Variants in TMEM101 observed in about 807,000 individuals in gnomAD.
The protein encoded by TMEM101 is putative NF-kappa-B-activating protein 130.
TMEM101 carries 14 observed loss-of-function variants against 26.0 expected under a neutral mutation model. That is an observed-to-expected ratio of 0.54 (90% confidence interval 0.36 to 0.84). The LOEUF is 0.84. TMEM101 is among the 40% of genes least tolerant of loss of function. The probability of loss-of-function intolerance (pLI) is 0.01; values close to 1 mark genes in which losing one functional copy is unlikely to be tolerated. For missense variants in TMEM101, 292 were observed against 345.1 expected (o/e 0.85, Z 1.22); for synonymous variants, 152 against 145.1 (o/e 1.05, Z -0.34).
At position 44,014,402 on chromosome 17, in the gene TMEM101, G is replaced by T; in HGVS notation, c.273C>A (p.Tyr91Ter). ...GAALQLAISTYAAYIGGYVHY... is the reference protein window; with the variant it reads ...GAALQLAIST ...GGACGTAGCCCCCGATGTAGGCGGCGTAGGTGCTAATGGCCAATTGGAGTG... is the reference window on the plus strand; with the variant it reads ...GGACGTAGCCCCCGATGTAGGCGGCTTAGGTGCTAATGGCCAATTGGAGTG... Residue 91 changes from tyrosine to a stop codon, truncating the protein, a stop_gained, in exon 2 of 4, where the codon TAC becomes TAA. Coordinates refer to ENST00000206380, the MANE Select transcript of TMEM101 (RefSeq NM_032376.4). LOFTEE classifies it high-confidence loss of function. 2 of 1,555,344 alleles carry T rather than the reference G, an allele frequency of 1.3e-6. No individual in the cohort carries two copies. The highest frequency in any genetic ancestry group is 1.7e-6 in the Non-Finnish European group (2 of 1,149,052).
upstream of TMEM101, among the ~76,000 whole-genome samples, chr17:44,015,560 A>T (rs2049222361): frequency 6.6e-6 from 1 of 151,826 alleles, no homozygotes; most frequent in South Asian, 2.1e-4. Context: ...CGCCCGGCTA[A>T]TTTTTTGTAT....
intron 1 of TMEM101, among the ~76,000 whole-genome samples, chr17:44,022,680 G>A (rs796151521): frequency 1.3e-5 from 2 of 152,156 alleles, no homozygotes; most frequent in Non-Finnish European, 2.9e-5. Flanking sequence ...TTTTCACAAA[G>A]GCCAATTCCC....
intron 3 of TMEM101, chr17:44,012,755 T>A (rs930630043): frequency 4.6e-6 from 2 of 432,550 alleles, no homozygotes; most frequent in Non-Finnish European, 8.2e-6. Flanking sequence ...CCCCATCTTG[T>A]TCTCCTGGCT....
Position 44,011,982 on chromosome 17 carries a change from A to G in TMEM101, c.720T>C (p.Leu240=), listed in dbSNP as rs1269414981. The G allele has an allele frequency of 5.0e-6, 8 of 1,614,014 alleles. No individual in the cohort carries two copies. Among genetic ancestry groups the G allele is most frequent in the Non-Finnish European group, 6.8e-6 (8 of 1,180,022 alleles). The part of the protein sequence containing the change: ...RVEFWNQMKL[L]GESVGIFGTA... ...TTCCGAAGATGCCCACACTCTCTCC[A>G]AGGAGCTTCATCTGGTTCCAGAACT... Residue 240 remains leucine, a synonymous_variant, in exon 4 of 4, where the codon CTT becomes CTC. Coordinates refer to ENST00000206380, the MANE Select transcript of TMEM101 (RefSeq NM_032376.4).
Position 44,013,045 on chromosome 17 carries a change from G to T in TMEM101, c.429C>A (p.Thr143=). The T allele has an allele frequency of 1.4e-5, 22 of 1,608,044 alleles. No individual in the cohort carries two copies. The highest frequency in any genetic ancestry group is 1.7e-5 in the Non-Finnish European group (20 of 1,175,352). ...GGTAGATACCCAGGAACACCTGGCC[G>T]GTGGACTGCAGGGAGCGGCTGCGAG... is the stretch of plus-strand genomic sequence containing the variant. ...RKPRSRSLQS[T]GQVFLGIYLI... The change falls in exon 3 of 4, where the codon ACC becomes ACA. Residue 143 remains threonine (T), a synonymous_variant. Coordinates refer to ENST00000206380, the MANE Select transcript of TMEM101 (RefSeq NM_032376.4).
Position 44,014,459 on chromosome 17 carries a change from G to A in TMEM101, c.216C>T (p.Gly72=). ...AVLCASFMSF[G]VKRRWFALGA... ...CCAGCGCGAACCAGCGCCGCTTCACGCCAAAGGACATGAAACTAGCGCACA... is the reference window on the plus strand; with the variant it reads ...CCAGCGCGAACCAGCGCCGCTTCACACCAAAGGACATGAAACTAGCGCACA... Residue 72 remains glycine, a synonymous_variant, in exon 2 of 4, where the codon GGC becomes GGT. Coordinates refer to ENST00000206380, the MANE Select transcript of TMEM101 (RefSeq NM_032376.4). 6.4e-7 allele frequency: 1 copy of A among 1,561,648 alleles called. No individual in the cohort carries two copies. Among genetic ancestry groups the A allele is most frequent in the Non-Finnish European group, 8.7e-7 (1 of 1,152,434 alleles).
chr17:44,019,370 C>T (rs376922227), upstream of TMEM101: 20 of 435,044 alleles, frequency 4.6e-5, no homozygotes, highest in African/African-American at 3.7e-4. Context: ...GCTCCAGAGT[C>T]GGCCACTCGT....
chr17:44,013,862 G>A (rs1170784092), intron 2 of TMEM101, among the ~76,000 whole-genome samples: 1 of 152,138 alleles, frequency 6.6e-6, no homozygotes, highest in Middle Eastern at 3.2e-3. Flanking sequence ...CCTCCCCTAA[G>A]GGTCTGACAG....
chr17:44,015,391 T>TG (rs1555621767), upstream of TMEM101, among the ~76,000 whole-genome samples: 1 of 151,900 alleles, frequency 6.6e-6, no homozygotes, highest in Non-Finnish European at 1.5e-5. Context: ...TTTTCTTTTT[T>TG]TTTTGTTTTG....
At chr17:44,012,837 T>G in intron 3 of TMEM101, 172 bp downstream of exon 3, 2 of 610,308 alleles carry the variant, frequency 3.3e-6, no homozygotes, top group Non-Finnish European at 5.1e-6. Context: ...TCAACAGGCA[T>G]TTGGAGGGCC....
chr17:44,016,095 T>TTAGA (rs138920727), upstream of TMEM101, among the ~76,000 whole-genome samples: 276 of 151,602 alleles, frequency 1.8e-3, 4 homozygotes, highest in East Asian at 0.026. Context: ...ACGGTGGCAA[T>TTAGA]TAGATAGATA....
chr17:44,018,454 G>A (rs2049255024), upstream of TMEM101, among the ~76,000 whole-genome samples: 4 of 152,190 alleles, frequency 2.6e-5, no homozygotes, highest in Admixed American at 1.3e-4. Flanking sequence ...TGGGTTAAAG[G>A]TAATTTTGTC....
Position 44,012,007 on chromosome 17 carries a change from T to G in TMEM101, c.695A>C (p.Glu232Ala). Residue 232 changes from glutamate to alanine, a missense_variant, in exon 4 of 4, where the codon GAG becomes GCG. Glu to Ala is a moderately radical substitution (Grantham distance 107). Coordinates refer to ENST00000206380, the MANE Select transcript of TMEM101 (RefSeq NM_032376.4). ...VAYWHNTRRV[E>A]FWNQMKLLGE... ...AAGGAGCTTCATCTGGTTCCAGAAC[T>G]CAACACGCCGCGTGTTGTGCCAGTA... 1 of 1,614,092 alleles carries G rather than the reference T, an allele frequency of 6.2e-7. No individual in the cohort carries two copies. The highest frequency in any genetic ancestry group is 8.5e-7 in the Non-Finnish European group (1 of 1,180,016).
At chr17:44,020,153 C>T (rs2049272964) in intron 2 of TMEM101, among the ~76,000 whole-genome samples, 1 of 152,118 alleles carries the variant, frequency 6.6e-6, no homozygotes, top group African/African-American at 2.4e-5. Flanking sequence ...CATTCATAAC[C>T]AGCAATGTTT....
chr17:44,018,582 T>C (rs1267022166), upstream of TMEM101, among the ~76,000 whole-genome samples: 1 of 152,202 alleles, frequency 6.6e-6, no homozygotes, highest in Non-Finnish European at 1.5e-5. Context: ...CACCTCTCCG[T>C]TTCAAATGGC....
intron 2 of TMEM101, among the ~76,000 whole-genome samples, chr17:44,013,397 C>T (rs967060175): frequency 4.6e-5 from 7 of 152,150 alleles, no homozygotes; most frequent in African/African-American, 1.7e-4. Flanking sequence ...CAGTGGCTCA[C>T]GCCTGTAATC....
chr17:44,022,665 C>A (rs796723573), intron 1 of TMEM101, among the ~76,000 whole-genome samples: 2 of 152,226 alleles, frequency 1.3e-5, no homozygotes, highest in Non-Finnish European at 2.9e-5. Context: ...AATTTAGATT[C>A]CCAATTTTCA....
chr17:44,023,045 A>G (rs1254785644), exon 1 of TMEM101: 1 of 362,846 alleles, frequency 2.8e-6, no homozygotes, highest in Non-Finnish European at 5.4e-6. Context: ...TCACCAGACT[A>G]TGGAGGATTC....
chr17:44,013,130 G>A lies in TMEM101; in HGVS notation c.344C>T (p.Ala115Val). The A allele has an allele frequency of 1.2e-6, 2 of 1,605,336 alleles. No individual in the cohort carries two copies. The highest frequency in any genetic ancestry group is 1.7e-6 in the Non-Finnish European group (2 of 1,173,816). ...LKVRMYSRTV[A>V]IIGGFLVLAS... is the part of the protein sequence containing the mutation. ...CAACACAAGAAAGCCGCCGATGATG[G>A]CAACTGTGCGCGAGTACATACGGAC... The change falls in exon 3 of 4, where the codon GCC (alanine) becomes GTC (valine). Residue 115 changes from alanine to valine, a missense_variant. Ala to Val is a moderately conservative substitution (Grantham distance 64). This residue lies in a region of TMEM101 where 149 missense variants were observed against 211.9 expected (regional missense o/e 0.70). Transcript: ENST00000206380.
Sources: gnomAD v4.1 joint callset for allele counts (sites outside exome capture counted in the v4.1 genomes callset) on GRCh38, gnomAD v4.1.1 for gene constraint, gnomAD v4.1.1 regional missense constraint, MANE v1.5 for transcripts, NCBI Gene and HGNC (gene_info 2026-07-23, HGNC 2026-07-21) for gene names.